ILKAP: variants seen among roughly 807,000 people sequenced by gnomAD.
The protein encoded by ILKAP is ILK associated serine/threonine phosphatase.
Under a neutral mutation model 49.1 loss-of-function variants are expected in ILKAP, and 11 were observed. That is an observed-to-expected ratio of 0.22 (90% CI 0.14 to 0.37). The LOEUF (loss-of-function observed/expected upper bound fraction) is 0.37. Among genes scored for constraint, ILKAP ranks in the 10% least tolerant of loss-of-function variants. The pLI is 1.00. For missense variants in ILKAP, 363 were observed against 510.8 expected, an observed-to-expected ratio of 0.71 and a Z score of 2.79; for synonymous variants, 186 against 192.8, an observed-to-expected ratio of 0.96 and a Z score of 0.29.
chr2:238,182,808 C>T (rs1002595671), intron 8 of ILKAP, among the ~76,000 whole-genome samples: 1 of 152,186 alleles, frequency 6.6e-6, no homozygotes, highest in Non-Finnish European at 1.5e-5. Context: ...GTGGTCTAAA[C>T]ACATGTGGGC....
intron 8 of ILKAP, among the ~76,000 whole-genome samples, chr2:238,183,409 G>A (rs1445931763): frequency 2.6e-5 from 4 of 152,222 alleles, no homozygotes; most frequent in East Asian, 3.9e-4. Context: ...CAAAAAAGAC[G>A]GGATCTGGGT....
rs759229484 is a variant in ILKAP, at chr2:238,185,140, T to C, written c.532+41A>G. 6 of 1,290,510 alleles carry C rather than the reference T, an allele frequency of 4.6e-6. No individual in the cohort carries two copies. In the East Asian group the frequency reaches 1.2e-4, roughly 25 times the overall value. 79.9% of individuals were successfully genotyped at this position (1,290,510 alleles called of 1,614,324 possible). On this transcript the variant is annotated intron_variant, in intron 6 of 11. Transcript: ENST00000254654. ...CTTCACACAGCCAACCAAACAGCAA[T>C]AACCAATTTGAGTATCAACTGATTT...
At chr2:238,177,316 T>C (rs1047738969) in intron 9 of ILKAP, among the ~76,000 whole-genome samples, 6 of 152,240 alleles carry the variant, frequency 3.9e-5, no homozygotes, top group Non-Finnish European at 8.8e-5. Context: ...TTTTTTATTG[T>C]GGTAAAATAT....
chr2:238,171,081 TAA>T, intron 10 of ILKAP, 57 bp from the exon 11 acceptor site: 1 of 1,122,018 alleles, frequency 8.9e-7, no homozygotes, highest in South Asian at 1.4e-5. Context: ...AAATAAAAAA[TAA>T]AAAAAGGGCC....
intron 9 of ILKAP, among the ~76,000 whole-genome samples, chr2:238,174,284 A>C (rs1211992962): frequency 6.6e-6 from 1 of 152,158 alleles, no homozygotes; most frequent in Non-Finnish European, 1.5e-5. Context: ...TACAAATGGG[A>C]AGAGACATCT....
At position 238,170,962 on chromosome 2, in the gene ILKAP, A is replaced by C. The variant is rs748813438; in HGVS notation, c.1019T>G (p.Phe340Cys). The C allele has an allele frequency of 3.1e-6, 5 of 1,614,026 alleles. No individual in the cohort carries two copies. The highest frequency in any genetic ancestry group is 4.2e-6 in the Non-Finnish European group (5 of 1,179,932). Residue 340 changes from phenylalanine to cysteine, a missense_variant, in exon 11 of 12, where the codon TTC (phenylalanine) becomes TGC (cysteine). Around this residue, in one of 3 missense-constraint regions of ILKAP, gnomAD observed 83 missense variants for 87.5 expected, o/e 0.95. Transcript: ENST00000254654. ...KVFTPEEAVN[F>C]ILSCLEDEKI... is the part of the protein sequence containing the mutation. The stretch of plus-strand genomic sequence containing the variant: ...TCTCACCTCGAGACAGGACAAGATG[A>C]AGTTCACGGCTTCTTCTGGGGTAAA...
chr2:238,182,967 T>G (rs1451961093), intron 8 of ILKAP, among the ~76,000 whole-genome samples: 2 of 152,148 alleles, frequency 1.3e-5, no homozygotes, highest in Admixed American at 6.6e-5. Flanking sequence ...AAGATGCTGC[T>G]TAAGTGTGGA....
At chr2:238,183,950 G>C in intron 7 of ILKAP, 70 bp downstream of exon 7, 1 of 1,095,112 alleles carries the variant, frequency 9.1e-7, no homozygotes, top group Non-Finnish European at 1.4e-6. Flanking sequence ...AACCACATCA[G>C]AAGACTGAAA....
intron 3 of ILKAP, among the ~76,000 whole-genome samples, chr2:238,191,735 C>T (rs1275791592): frequency 1.1e-4 from 16 of 151,812 alleles, no homozygotes; most frequent in East Asian, 5.8e-4. Context: ...TGGCGAAACC[C>T]GGTCTCTAAT....
chr2:238,193,500 C>A (rs997080818), intron 3 of ILKAP, among the ~76,000 whole-genome samples: 58 of 152,326 alleles, frequency 3.8e-4, no homozygotes, highest in African/African-American at 1.2e-3. Flanking sequence ...GGATTATAGG[C>A]GTGAGCCACC....
intron 1 of ILKAP, among the ~76,000 whole-genome samples, chr2:238,200,980 G>C (rs960248476): frequency 6.6e-6 from 1 of 152,222 alleles, no homozygotes; most frequent in Non-Finnish European, 1.5e-5. Flanking sequence ...GTTAGTAAGC[G>C]AAGAGCTGGA....
Position 238,173,546 on chromosome 2 carries a change from G to A in ILKAP, c.944C>T (p.Thr315Ile). 1 of 1,613,586 alleles carries A rather than the reference G, an allele frequency of 6.2e-7. No homozygotes were observed. The highest frequency in any genetic ancestry group is 8.5e-7 in the Non-Finnish European group (1 of 1,179,622). Reference sequence around the variant, plus strand: ...TAGGGCCTTTTACCTGTCATTGGGGGTCAGCTGGCAGCGTCTGATGTCGGG... The same window carrying A: ...TAGGGCCTTTTACCTGTCATTGGGGATCAGCTGGCAGCGTCTGATGTCGGG... ...SVPDIRRCQLTPNDRFILLAC... is the reference protein window; with the variant it reads ...SVPDIRRCQLIPNDRFILLAC... Residue 315 changes from threonine to isoleucine, a missense_variant, in exon 10 of 12, where the codon ACC (threonine) becomes ATC (isoleucine). Coordinates refer to ENST00000254654, the MANE Select transcript of ILKAP (RefSeq NM_030768.3).
At chr2:238,176,138 T>TTTTTC (rs1693445281) in intron 9 of ILKAP, among the ~76,000 whole-genome samples, 1 of 142,496 alleles carries the variant, frequency 7.0e-6, no homozygotes, top group Non-Finnish European at 1.5e-5. Flanking sequence ...GTAGTGGCTT[T>TTTTTC]TTTTTTTTTT....
At chr2:238,195,852 G>C (rs1694319791) in intron 1 of ILKAP, among the ~76,000 whole-genome samples, 1 of 151,764 alleles carries the variant, frequency 6.6e-6, no homozygotes, top group Non-Finnish European at 1.5e-5. Context: ...AGACCAGCCT[G>C]GACAACATGG....
At chr2:238,190,007 C>A in intron 3 of ILKAP, 35 bp from the exon 4 acceptor site, 1 of 1,606,896 alleles carries the variant, frequency 6.2e-7, no homozygotes, top group Non-Finnish European at 8.5e-7. Flanking sequence ...AGAAACACAG[C>A]TGTAGACTGT....
Position 238,194,880 on chromosome 2 carries a change from A to G in ILKAP, c.56-10T>C. The G allele has an allele frequency of 6.2e-7, 1 of 1,610,148 alleles. No homozygotes were observed. Among genetic ancestry groups the G allele is most frequent in the African/African-American group, 1.3e-5 (1 of 74,964 alleles). ...TTCTGAGCTTCTTTCCCTAAAACAC[A>G]GAAAACCTGTTTAGAGAGCATATGG... On this transcript the variant is annotated splice_polypyrimidine_tract_variant and intron_variant, in intron 1 of 11. Transcript: ENST00000254654.
chr2:238,191,883 C>A (rs1341905398), intron 3 of ILKAP, among the ~76,000 whole-genome samples: 1 of 141,122 alleles, frequency 7.1e-6, no homozygotes, highest in Non-Finnish European at 1.5e-5. Context: ...CCAGCCTAGG[C>A]AACAGAGCAA....
chr2:238,190,412 A>G (rs1694072880), intron 3 of ILKAP, among the ~76,000 whole-genome samples: 1 of 152,210 alleles, frequency 6.6e-6, no homozygotes, highest in Non-Finnish European at 1.5e-5. Context: ...GCCTTTAAGA[A>G]CTGTAATACA....
chr2:238,196,871 A>C (rs184045543), intron 1 of ILKAP, among the ~76,000 whole-genome samples: 171 of 152,364 alleles, frequency 1.1e-3, no homozygotes, highest in African/African-American at 3.9e-3. Flanking sequence ...TAAAGACTCT[A>C]TTAGAAGTAT....
Sources: gnomAD v4.1 joint callset for allele counts (sites outside exome capture counted in the v4.1 genomes callset) on GRCh38, gnomAD v4.1.1 for gene constraint, gnomAD v4.1.1 regional missense constraint, MANE v1.5 for transcripts, NCBI Gene and HGNC (gene_info 2026-07-23, HGNC 2026-07-21) for gene names.